Variants in NAA40 observed in about 807,000 individuals in gnomAD.
The protein encoded by NAA40 is N-alpha-acetyltransferase 40.
NAA40 carries 26 observed loss-of-function variants against 36.6 expected under a neutral mutation model. That is an observed-to-expected ratio of 0.71 (90% CI 0.52 to 0.98). The LOEUF is 0.98. Among genes scored for constraint, NAA40 ranks in the 50% least tolerant of loss-of-function variants. The pLI is 0.00. For synonymous variants in NAA40, 129 were observed against 108.4 expected, an observed-to-expected ratio of 1.19 and a Z score of -1.18; for missense variants, 237 against 306.5, an observed-to-expected ratio of 0.77 and a Z score of 1.69.
intron 2 of NAA40, 112 bp downstream of exon 2, chr11:63,946,047 C>G (rs906969463): frequency 2.2e-6 from 2 of 889,464 alleles, no homozygotes; most frequent in South Asian, 1.5e-5. Context: ...CCACCCACAC[C>G]GCCTCTGCCT....
At chr11:63,941,619 C>A (rs1177873076) in intron 1 of NAA40, among the ~76,000 whole-genome samples, 1 of 151,984 alleles carries the variant, frequency 6.6e-6, no homozygotes, top group Non-Finnish European at 1.5e-5. Context: ...GTGGCACAAT[C>A]TCAGCTCACT....
chr11:63,952,729 G>T, intron 5 of NAA40, 27 bp from the exon 6 acceptor site: 3 of 1,613,358 alleles, frequency 1.9e-6, no homozygotes, highest in Middle Eastern at 1.7e-4. Context: ...CATCCTGCAC[G>T]CTCACCTCTC....
rs1942320491 is a variant in NAA40, at chr11:63,953,915, C to G, written c.495-57C>G. On this transcript the variant is annotated intron_variant, in intron 6 of 7. Coordinates refer to ENST00000377793, the MANE Select transcript of NAA40 (RefSeq NM_024771.4). ...AAAGTGCTGGGATTACAGGTGCATG[C>G]CACCATGCCTGGCCATGTTTCTCTT... is the stretch of plus-strand genomic sequence containing the variant. The G allele has an allele frequency of 2.2e-5, 33 of 1,491,030 alleles. No individual in the cohort carries two copies. The South Asian group carries it at 3.4e-4, about 15-fold the overall frequency. The allele number at this position is 1,491,030 out of a possible 1,614,324, so 92.4% of individuals were successfully genotyped here.
At chr11:63,940,420 C>A (rs750053584) in intron 1 of NAA40, among the ~76,000 whole-genome samples, 4 of 152,234 alleles carry the variant, frequency 2.6e-5, no homozygotes, top group Non-Finnish European at 5.9e-5. Context: ...TACCTCACTT[C>A]CAGCCCCGTC....
intron 2 of NAA40, chr11:63,946,425 G>T: frequency 1.5e-6 from 1 of 656,742 alleles, no homozygotes; most frequent in Non-Finnish European, 2.0e-6. Context: ...GGATGGTCTT[G>T]AACTCCTGAG....
At chr11:63,948,057 G>A (rs372631064) in intron 3 of NAA40, among the ~76,000 whole-genome samples, 21 of 150,954 alleles carry the variant, frequency 1.4e-4, no homozygotes, top group African/African-American at 4.6e-4. Flanking sequence ...GTTTCACCAT[G>A]TTGGCCAGGC....
At chr11:63,953,683 G>A (rs976305187) in intron 6 of NAA40, among the ~76,000 whole-genome samples, 1 of 152,090 alleles carries the variant, frequency 6.6e-6, no homozygotes, top group African/African-American at 2.4e-5. Context: ...GCAGTGGTGT[G>A]ATCGTATCTC....
chr11:63,940,406 G>C (rs1230088291), intron 1 of NAA40, among the ~76,000 whole-genome samples: 1 of 152,206 alleles, frequency 6.6e-6, no homozygotes, highest in Non-Finnish European at 1.5e-5. Context: ...TTTGGAGCCC[G>C]AGGTACCTCA....
chr11:63,955,067 G>A lies in NAA40; in HGVS notation c.*588G>A, dbSNP rs1942342585. ...AAAGCTCTTTCCAGCTGTTTTTATG[G>A]ATTCATGGAGTGGGCTCATGTTGGG... On this transcript the variant is annotated 3_prime_UTR_variant, in exon 8 of 8. Transcript: ENST00000377793. 1 of 152,594 alleles carries A rather than the reference G, an allele frequency of 6.6e-6. No individual in the cohort carries two copies. 9.5% of individuals were successfully genotyped at this position (152,594 alleles called of 1,614,324 possible).
intron 1 of NAA40, chr11:63,939,461 T>C: frequency 9.4e-7 from 1 of 1,058,206 alleles, no homozygotes; most frequent in Non-Finnish European, 1.1e-6. Context: ...ACCAGCTTCG[T>C]CGCTTTTCAC....
chr11:63,951,190 AG>A (rs1400620462), intron 3 of NAA40, among the ~76,000 whole-genome samples: 2 of 152,208 alleles, frequency 1.3e-5, no homozygotes, highest in Non-Finnish European at 2.9e-5. Flanking sequence ...TAGTCCTTTC[AG>A]AATGTAGTGC....
intron 7 of NAA40, 96 bp downstream of exon 7, chr11:63,954,145 C>T: frequency 1.4e-6 from 2 of 1,433,914 alleles, no homozygotes; most frequent in Non-Finnish European, 1.9e-6. Context: ...TGCCTGAGCT[C>T]ATGGTCCAGT....
intron 1 of NAA40, 149 bp downstream of exon 1, chr11:63,939,251 C>A (rs1942066968): frequency 7.7e-7 from 1 of 1,306,900 alleles, no homozygotes; most frequent in South Asian, 1.7e-5. Flanking sequence ...CTCCCCCATT[C>A]TAAGGGTCCC....
chr11:63,949,053 G>A (rs1942233868), intron 3 of NAA40, among the ~76,000 whole-genome samples: 1 of 152,112 alleles, frequency 6.6e-6, no homozygotes, highest in South Asian at 2.1e-4. Context: ...GGGCATGGTG[G>A]CACATGCCTG....
chr11:63,952,687 C>G, intron 5 of NAA40, 69 bp from the exon 6 acceptor site: 4 of 1,603,684 alleles, frequency 2.5e-6, no homozygotes, highest in Non-Finnish European at 2.6e-6. Flanking sequence ...ACTGCAAGCT[C>G]CTCTGCCAGA....
chr11:63,951,185 C>G, intron 3 of NAA40, among the ~76,000 whole-genome samples: 1 of 152,138 alleles, frequency 6.6e-6, no homozygotes, highest in East Asian at 1.9e-4. Context: ...GACTCTAGTC[C>G]TTTCAGAATG....
intron 3 of NAA40, among the ~76,000 whole-genome samples, chr11:63,947,582 G>GC (rs1942207934): frequency 6.6e-6 from 1 of 151,888 alleles, no homozygotes; most frequent in South Asian, 2.1e-4. Context: ...ATGGAGTCTT[G>GC]CTTAGTCACC....
rs1278673521 is a variant in NAA40, at chr11:63,957,212, A to ATATATATTTTT, written c.*2734_*2735insATATATTTTTT. On this transcript the variant is annotated 3_prime_UTR_variant, in exon 8 of 8. Coordinates refer to ENST00000377793, the MANE Select transcript of NAA40 (RefSeq NM_024771.4). ...CCTTGATATATATATATATATATAT[A>ATATATATTTTT]TTTTTTTTTTTCTTTAGCAGCTTGT... is the stretch of plus-strand genomic sequence containing the variant. 2.2e-4 allele frequency: 14 copies of ATATATATTTTT among 64,314 alleles called. No individual in the cohort carries two copies. The highest frequency in any genetic ancestry group is 5.0e-4 in the African/African-American group (12 of 23,976). 4.0% of individuals were successfully genotyped at this position (64,314 alleles called of 1,614,324 possible). A position where few individuals can be genotyped will look rare whatever the true frequency, so the allele number is the denominator to read the frequency against.
At position 63,947,020 on chromosome 11, in the gene NAA40, A is replaced by G. The variant is rs550030510; in HGVS notation, c.155+17A>G. On this transcript the variant is annotated intron_variant, in intron 3 of 7. Transcript: ENST00000377793. ...TAGAAACGGGTGAGTCACATTGAGC[A>G]TTACCAACTGCTGTCTCCTCGAGTG... is the stretch of plus-strand genomic sequence containing the variant. 1.1e-5 allele frequency: 18 copies of G among 1,611,150 alleles called. No individual in the cohort carries two copies. The African/African-American group carries it at 2.0e-4, about 18-fold the overall frequency.
Sources: gnomAD v4.1 joint callset for allele counts (sites outside exome capture counted in the v4.1 genomes callset) on GRCh38, gnomAD v4.1.1 for gene constraint, MANE v1.5 for transcripts, NCBI Gene and HGNC (gene_info 2026-07-23, HGNC 2026-07-21) for gene names.